PLAT: variants seen among roughly 807,000 people sequenced by gnomAD.
PLAT encodes plasminogen activator, tissue type, also known as tissue-type plasminogen activator.
A neutral mutation model predicts 74.9 loss-of-function variants in PLAT; 48 were observed. That is an observed-to-expected ratio of 0.64 (90% CI 0.51 to 0.82). The LOEUF (loss-of-function observed/expected upper bound fraction) is 0.82, where lower values mean the gene tolerates loss of function less well. PLAT is among the 40% of genes least tolerant of loss of function. The probability of loss-of-function intolerance (pLI) is 0.00; values close to 1 mark genes in which losing one functional copy is unlikely to be tolerated. For missense variants in PLAT, 673 were observed against 736.2 expected, an observed-to-expected ratio of 0.91 and a Z score of 0.99; for synonymous variants, 307 against 294.4, an observed-to-expected ratio of 1.04 and a Z score of -0.44.
chr8:42,179,016 A>G lies in PLAT; in HGVS notation c.1411T>C (p.Tyr471His), dbSNP rs114534719. 203 of 1,613,404 alleles carry G rather than the reference A, an allele frequency of 1.3e-4. 3 individuals are homozygous for G. In the East Asian group the frequency reaches 4.0e-3, roughly 32 times the overall value. ...ERLKEAHVRL[Y>H]PSSRCTSQHL... ...TGTGATGTGCAGCGGCTGGATGGGT[A>G]CAGTCTGACATGAGCCTCCTTCAGC... Residue 471 changes from tyrosine (Y) to histidine (H), a missense_variant, in exon 13 of 14, where the codon TAC becomes CAC. Coordinates refer to ENST00000220809, the MANE Select transcript of PLAT (RefSeq NM_000930.5).
intron 2 of PLAT, among the ~76,000 whole-genome samples, chr8:42,192,595 TAAC>T (rs1805729059): frequency 2.0e-5 from 3 of 152,120 alleles, no homozygotes; most frequent in Admixed American, 1.3e-4. Context: ...AAATACCTTA[TAAC>T]AACCATTTAC....
chr8:42,192,745 G>A (rs987414010), intron 2 of PLAT, among the ~76,000 whole-genome samples: 2 of 152,080 alleles, frequency 1.3e-5, no homozygotes, highest in Non-Finnish European at 2.9e-5. Context: ...TGGTATCCTT[G>A]GGGGTCCTGG....
At chr8:42,192,634 T>A (rs1805730371) in intron 2 of PLAT, among the ~76,000 whole-genome samples, 2 of 152,166 alleles carry the variant, frequency 1.3e-5, no homozygotes, top group East Asian at 3.8e-4. Context: ...TACTAGGTAT[T>A]ATAAGTAATT....
chr8:42,203,990 T>C (rs543490838), intron 1 of PLAT, among the ~76,000 whole-genome samples: 3,067 of 120,644 alleles, frequency 0.025, 162 homozygotes, highest in African/African-American at 0.13. Flanking sequence ...TATATATATA[T>C]ATACACACAC....
chr8:42,179,640 C>A (rs1323813966), intron 12 of PLAT, among the ~76,000 whole-genome samples: 6 of 152,190 alleles, frequency 3.9e-5, no homozygotes, highest in Admixed American at 3.9e-4. Context: ...CTCCAGCTTC[C>A]CAGAACCCAC....
chr8:42,204,394 A>G (rs1457421527), intron 1 of PLAT, among the ~76,000 whole-genome samples: 2 of 152,248 alleles, frequency 1.3e-5, no homozygotes, highest in Admixed American at 1.3e-4. Flanking sequence ...AATCACTCAG[A>G]GAAAGTAAAA....
At chr8:42,203,875 G>A (rs1806226476) in intron 1 of PLAT, among the ~76,000 whole-genome samples, 2 of 151,526 alleles carry the variant, frequency 1.3e-5, no homozygotes, top group African/African-American at 4.9e-5. Flanking sequence ...CTGAGATGGA[G>A]GATCACTTGA....
chr8:42,177,027 T>C (rs1475681114), intron 13 of PLAT, among the ~76,000 whole-genome samples: 1 of 152,200 alleles, frequency 6.6e-6, no homozygotes, highest in African/African-American at 2.4e-5. Context: ...CCACCCAGGC[T>C]GGAGTGCAGT....
chr8:42,203,992 T>TACACACACACACACAC (rs775189467), intron 1 of PLAT, among the ~76,000 whole-genome samples: 26 of 109,828 alleles, frequency 2.4e-4, no homozygotes, highest in African/African-American at 1.2e-3. Flanking sequence ...TATATATATA[T>TACACACACACACACAC]ACACACACAC....
chr8:42,180,224 G>A lies in PLAT; in HGVS notation c.1222+18C>T, dbSNP rs749110128. 1.2e-6 allele frequency: 2 copies of A among 1,613,910 alleles called. No individual in the cohort carries two copies. Among genetic ancestry groups the A allele is most frequent in the Non-Finnish European group, 1.7e-6 (2 of 1,179,838 alleles). ...GTGTGATCTGTATGAACTGGAGCCG[G>A]GAATGACGAGCTCTTACCAATGTCA... On this transcript the variant is annotated intron_variant, in intron 11 of 13. Transcript: ENST00000220809.
chr8:42,191,393 T>G lies in PLAT; in HGVS notation c.94A>C (p.Arg32=), dbSNP rs747967228. Reference sequence around the variant, plus strand: ...CGACCTTGGTAAGATCTGGCTCCTCTTCTGAATCGGGCATGGATTTCCTGC... The same window carrying G: ...CGACCTTGGTAAGATCTGGCTCCTCGTCTGAATCGGGCATGGATTTCCTGC... ...PSQEIHARFR[R]GARSYQVICR... is the part of the protein sequence containing the mutation. The change falls in exon 3 of 14, where the codon AGA becomes CGA. Residue 32 remains arginine (R), a synonymous_variant. Transcript: ENST00000220809. 1 of 1,614,094 alleles carries G rather than the reference T, an allele frequency of 6.2e-7. No individual in the cohort carries two copies. Among genetic ancestry groups the G allele is most frequent in the Admixed American group, 1.7e-5 (1 of 60,020 alleles).
Position 42,207,522 on chromosome 8 carries a change from G to A in PLAT, c.-55C>T, listed in dbSNP as rs188815699. On this transcript the variant is annotated 5_prime_UTR_variant, in exon 1 of 14. Transcript: ENST00000220809. ...GGCTTGCTCCTTCCCTTTCCTCGCA[G>A]AGGTTTTCTCTCCAGCCCTGGACTC... 1 of 152,396 alleles carries A rather than the reference G, an allele frequency of 6.6e-6. No individual in the cohort carries two copies. Among genetic ancestry groups the A allele is most frequent in the East Asian group, 1.9e-4 (1 of 5,182 alleles). The allele number at this position is 152,396 out of a possible 1,614,324, so 9.4% of individuals were successfully genotyped here. A position where few individuals can be genotyped will look rare whatever the true frequency, so the allele number is the denominator to read the frequency against.
intron 1 of PLAT, among the ~76,000 whole-genome samples, chr8:42,198,130 C>T (rs978372859): frequency 3.9e-5 from 6 of 152,260 alleles, no homozygotes; most frequent in South Asian, 2.1e-4. Context: ...CCCAGGAGTT[C>T]GAGATCAGCC....
At chr8:42,176,202 G>A in intron 13 of PLAT, 51 bp from the exon 14 acceptor site, 1 of 1,458,642 alleles carries the variant, frequency 6.9e-7, no homozygotes. Flanking sequence ...AGACTATCTG[G>A]AGAAAGTCAG....
At chr8:42,194,205 T>C (rs1410382396) in intron 1 of PLAT, among the ~76,000 whole-genome samples, 1 of 136,600 alleles carries the variant, frequency 7.3e-6, no homozygotes, top group Non-Finnish European at 1.5e-5. Context: ...CATGTGCCAC[T>C]GTGCCTGGCT....
intron 1 of PLAT, among the ~76,000 whole-genome samples, chr8:42,199,631 C>T (rs1806051772): frequency 6.6e-6 from 1 of 152,148 alleles, no homozygotes; most frequent in African/African-American, 2.4e-5. Context: ...CTGGTAATCC[C>T]GGTTATTTGG....
intron 1 of PLAT, among the ~76,000 whole-genome samples, chr8:42,203,984 T>C (rs995517185): frequency 5.0e-5 from 6 of 120,728 alleles, no homozygotes; most frequent in African/African-American, 2.7e-4. Flanking sequence ...TATATATATA[T>C]ATATATATAC....
At chr8:42,183,140 G>T (rs533514904) in intron 7 of PLAT, among the ~76,000 whole-genome samples, 1 of 152,202 alleles carries the variant, frequency 6.6e-6, no homozygotes, top group South Asian at 2.1e-4. Flanking sequence ...AGTAGGTGGG[G>T]TTACAGGCAT....
chr8:42,178,226 T>G (rs951751663), intron 13 of PLAT, among the ~76,000 whole-genome samples: 4 of 151,488 alleles, frequency 2.6e-5, no homozygotes, highest in Non-Finnish European at 5.9e-5. Context: ...CAAAGCAGAC[T>G]CCAATTCTCT....
Sources: gnomAD v4.1 joint callset for allele counts (sites outside exome capture counted in the v4.1 genomes callset) on GRCh38, gnomAD v4.1.1 for gene constraint, MANE v1.5 for transcripts, NCBI Gene and HGNC (gene_info 2026-07-23, HGNC 2026-07-21) for gene names.